Variants in LRP1B observed in about 807,000 individuals in gnomAD.
LRP1B encodes the protein low-density lipoprotein receptor-related protein 1B.
Under a neutral mutation model 556.6 loss-of-function variants are expected in LRP1B, and 217 were observed. The ratio of observed to expected loss-of-function variants is 0.39; its 90% confidence interval spans 0.35 to 0.44. The LOEUF (loss-of-function observed/expected upper bound fraction) is 0.44. Among genes scored for constraint, LRP1B ranks in the 20% least tolerant of loss-of-function variants. The pLI is 1.00. For missense variants in LRP1B, 5,053 were observed against 5,620.8 expected (o/e 0.90, Z 3.23); for synonymous variants, 2,047 against 1,865.8 (o/e 1.10, Z -2.50).
intron 71 of LRP1B, among the ~76,000 whole-genome samples, chr2:140,367,182 G>A (rs961783221): frequency 1.3e-5 from 2 of 151,640 alleles, no homozygotes; most frequent in African/African-American, 2.4e-5. Flanking sequence ...ATTAAGAGAG[G>A]CAGCTTGGTA....
intron 6 of LRP1B, among the ~76,000 whole-genome samples, chr2:141,190,854 G>T (rs1342161735): frequency 2.0e-5 from 3 of 151,944 alleles, no homozygotes; most frequent in Non-Finnish European, 2.9e-5. Context: ...AGGAATTTGA[G>T]AAATAGCAGG....
intron 46 of LRP1B, among the ~76,000 whole-genome samples, chr2:140,535,138 A>T (rs1178124436): frequency 6.6e-6 from 1 of 152,162 alleles, no homozygotes; most frequent in Non-Finnish European, 1.5e-5. Flanking sequence ...GACAGAAAGC[A>T]TATATGATCC....
At position 140,395,059 on chromosome 2, in the gene LRP1B, T is replaced by C. The variant is rs149931320; in HGVS notation, c.10415-9050A>G. Among the ~76,000 whole-genome samples, 3 of 152,326 alleles carry C rather than the reference T, an allele frequency of 2.0e-5. No individual in the cohort carries two copies. In the East Asian group the frequency reaches 5.8e-4, roughly 29 times the overall value. On this transcript the variant is annotated intron_variant, in intron 66 of 90. Transcript: ENST00000389484. ...CAAGACTGAAATTCCATTTTACCAC[T>C]AGTTTGTGTTGGATTTCTGTAATTT... is the stretch of plus-strand genomic sequence containing the variant.
At chr2:140,949,687 T>A (rs1180948743) in intron 20 of LRP1B, among the ~76,000 whole-genome samples, 1 of 151,840 alleles carries the variant, frequency 6.6e-6, no homozygotes, top group Non-Finnish European at 1.5e-5. Context: ...ACACCTGTAA[T>A]CCCAGCATGT....
intron 2 of LRP1B, among the ~76,000 whole-genome samples, chr2:141,562,482 T>C (rs1473022831): frequency 6.6e-6 from 1 of 151,982 alleles, no homozygotes; most frequent in African/African-American, 2.4e-5. Context: ...GATTCTGTTT[T>C]GCAGATTACT....
At chr2:141,866,931 T>G (rs1457411226) in intron 1 of LRP1B, among the ~76,000 whole-genome samples, 2 of 152,074 alleles carry the variant, frequency 1.3e-5, no homozygotes, top group Non-Finnish European at 2.9e-5. Flanking sequence ...AAAGAAGATT[T>G]GACCCAAACT....
At chr2:140,627,898 A>T (rs1040562574) in intron 41 of LRP1B, among the ~76,000 whole-genome samples, 1 of 151,844 alleles carries the variant, frequency 6.6e-6, no homozygotes, top group Non-Finnish European at 1.5e-5. Flanking sequence ...AACGAAAAAA[A>T]CTTTGACAAA....
At chr2:141,638,398 T>A (rs534046572) in intron 2 of LRP1B, among the ~76,000 whole-genome samples, 1 of 151,966 alleles carries the variant, frequency 6.6e-6, no homozygotes, top group South Asian at 2.1e-4. Context: ...TTGTTGTTTT[T>A]TAATGAATTG....
chr2:141,648,496 A>T (rs1026668261), intron 2 of LRP1B, among the ~76,000 whole-genome samples: 1 of 151,978 alleles, frequency 6.6e-6, no homozygotes, highest in South Asian at 2.1e-4. Context: ...TTCTATTCCT[A>T]CACTCTACTG....
chr2:140,315,495 C>G (rs1684482204), intron 82 of LRP1B, among the ~76,000 whole-genome samples: 1 of 152,132 alleles, frequency 6.6e-6, no homozygotes, highest in African/African-American at 2.4e-5. Flanking sequence ...TCACTGCAGC[C>G]TCAACTTCCT....
intron 7 of LRP1B, among the ~76,000 whole-genome samples, chr2:141,126,941 A>G (rs867258254): frequency 6.6e-6 from 1 of 152,148 alleles, no homozygotes; most frequent in South Asian, 2.1e-4. Context: ...TACATGTGCC[A>G]TGGTGGTTTG....
chr2:141,162,031 T>C (rs762923037), intron 7 of LRP1B, among the ~76,000 whole-genome samples: 17 of 152,118 alleles, frequency 1.1e-4, no homozygotes, highest in African/African-American at 1.9e-4. Flanking sequence ...TATGGAATTA[T>C]ATAGACTTAC....
chr2:141,242,476 T>C (rs747851606), intron 5 of LRP1B, among the ~76,000 whole-genome samples: 8 of 152,124 alleles, frequency 5.3e-5, no homozygotes, highest in Non-Finnish European at 1.2e-4. Context: ...ACATGCTTCC[T>C]TCAATTATAC....
At chr2:141,943,482 T>C (rs747363922) in intron 1 of LRP1B, among the ~76,000 whole-genome samples, 1 of 152,188 alleles carries the variant, frequency 6.6e-6, no homozygotes, top group Non-Finnish European at 1.5e-5. Flanking sequence ...TACTATTCTT[T>C]ACATAGGCAC....
At chr2:141,571,155 G>C (rs1365837866) in intron 2 of LRP1B, among the ~76,000 whole-genome samples, 4 of 146,748 alleles carry the variant, frequency 2.7e-5, no homozygotes, top group Non-Finnish European at 6.0e-5. Flanking sequence ...TGATCCTATT[G>C]GCATCAGGTT....
intron 3 of LRP1B, among the ~76,000 whole-genome samples, chr2:141,351,905 GA>G (rs1688457977): frequency 6.6e-6 from 1 of 151,906 alleles, no homozygotes; most frequent in Admixed American, 6.6e-5. Context: ...AGTAGGAAGA[GA>G]AAGGATCACA....
intron 1 of LRP1B, among the ~76,000 whole-genome samples, chr2:141,873,224 G>A (rs893651095): frequency 6.6e-6 from 1 of 151,952 alleles, no homozygotes; most frequent in Non-Finnish European, 1.5e-5. Flanking sequence ...GGAAGGCTGA[G>A]GCAGGAGACT....
At chr2:140,436,147 CTAA>C (rs1686171240) in intron 66 of LRP1B, among the ~76,000 whole-genome samples, 1 of 152,082 alleles carries the variant, frequency 6.6e-6, no homozygotes, top group Non-Finnish European at 1.5e-5. Context: ...ATGTAGTGAT[CTAA>C]TAATAGTACA....
At chr2:141,675,235 AT>A (rs1690831232) in intron 2 of LRP1B, among the ~76,000 whole-genome samples, 1 of 151,900 alleles carries the variant, frequency 6.6e-6, no homozygotes, top group African/African-American at 2.4e-5. Context: ...ACCTTTCCTA[AT>A]AAAATACTTG....
Sources: gnomAD v4.1 joint callset for allele counts (sites outside exome capture counted in the v4.1 genomes callset) on GRCh38, gnomAD v4.1.1 for gene constraint, MANE v1.5 for transcripts, NCBI Gene and HGNC (gene_info 2026-07-23, HGNC 2026-07-21) for gene names.